Variants in LSAMP observed in about 807,000 individuals in gnomAD.
LSAMP encodes the protein limbic system-associated membrane protein.
LSAMP carries 7 observed loss-of-function variants against 38.6 expected under a neutral mutation model. The ratio of observed to expected loss-of-function variants is 0.18; its 90% CI spans 0.10 to 0.34. The LOEUF is 0.34. Ranked by LOEUF, LSAMP falls within the 10% of genes least tolerant of loss-of-function variation. LSAMP has a pLI of 1.00. For synonymous variants in LSAMP, 154 were observed against 166.8 expected (o/e 0.92, Z 0.59); for missense variants, 313 against 420.0 (o/e 0.75, Z 2.23).
At chr3:116,383,695 A>G (rs2048590975) in intron 1 of LSAMP, among the ~76,000 whole-genome samples, 1 of 152,132 alleles carries the variant, frequency 6.6e-6, no homozygotes, top group Non-Finnish European at 1.5e-5. Context: ...GTTTATAGAA[A>G]ATGACACACA....
At chr3:116,356,433 T>C (rs1248933600) in intron 1 of LSAMP, among the ~76,000 whole-genome samples, 1 of 152,098 alleles carries the variant, frequency 6.6e-6, no homozygotes, top group Non-Finnish European at 1.5e-5. Context: ...TTTGGAAGAA[T>C]GGAGGTGGTG....
intron 1 of LSAMP, 123 bp from the exon 2 acceptor site, chr3:116,086,679 C>T (rs115710117): frequency 1.4e-5 from 10 of 737,758 alleles, no homozygotes; most frequent in African/African-American, 3.5e-5. Context: ...GAATTATTGC[C>T]ATGCCATTCT....
intron 1 of LSAMP, among the ~76,000 whole-genome samples, chr3:116,134,401 C>T (rs926443720): frequency 1.3e-5 from 2 of 152,206 alleles, no homozygotes; most frequent in Non-Finnish European, 2.9e-5. Context: ...TGATCCCTAT[C>T]CTCACCAGCT....
At chr3:115,869,269 G>GGAGAGA (rs35112915) in intron 3 of LSAMP, among the ~76,000 whole-genome samples, 2,197 of 128,486 alleles carry the variant, frequency 0.017, 54 homozygotes, top group African/African-American at 0.046. Context: ...TCTTGGAGGG[G>GGAGAGA]GAGAGAGAGA....
rs182195289 is a variant in LSAMP at position 115,886,799 on chromosome 3, T to G, written c.515-34182A>C. ...TGTTTCTGAGAATGGGATATCATCT[T>G]AGGTTAACAATGTGTTATCTTTTTT... On this transcript the variant is annotated intron_variant, in intron 3 of 6. Coordinates refer to ENST00000490035, the MANE Select transcript of LSAMP (RefSeq NM_002338.5). 1.6e-4 allele frequency among the ~76,000 whole-genome samples: 25 copies of G among 152,108 alleles called. No individual in the cohort carries two copies. In the Middle Eastern group the frequency reaches 0.017, roughly 103 times the overall value.
chr3:116,071,579 C>A (rs1707607158), intron 2 of LSAMP, among the ~76,000 whole-genome samples: 1 of 151,724 alleles, frequency 6.6e-6, no homozygotes, highest in African/African-American at 2.4e-5. Flanking sequence ...TGTAAACTAC[C>A]ACTTCATTTT....
intron 1 of LSAMP, among the ~76,000 whole-genome samples, chr3:116,320,148 C>T (rs1339141359): frequency 6.6e-6 from 1 of 152,154 alleles, no homozygotes; most frequent in Non-Finnish European, 1.5e-5. Context: ...GACGTGGTGG[C>T]TCACGCCTGT....
At position 116,086,422 on chromosome 3, in the gene LSAMP, C is replaced by T. The variant is rs1327300651; in HGVS notation, c.290G>A (p.Arg97Gln). 18 of 1,613,924 alleles carry T rather than the reference C, an allele frequency of 1.1e-5. No homozygotes were observed. The highest frequency in any genetic ancestry group is 2.7e-5 in the African/African-American group (2 of 74,884). The change falls in exon 2 of 7, where the codon CGA becomes CAA. Residue 97 changes from arginine (R) to glutamine (Q), a missense_variant. By Grantham distance (43) the Arg-to-Gln change is conservative. Coordinates refer to ENST00000490035, the MANE Select transcript of LSAMP (RefSeq NM_002338.5). ...ATCATAGACATCCACCTTCTGGATT[C>T]GGAGGCTGTATTCCAGAGAATGGCG... ...EKRHSLEYSL[R>Q]IQKVDVYDEG...
rs367977891 is a variant in LSAMP at position 116,350,056 on chromosome 3, C to T, written c.155+94821G>A. 1.1e-4 allele frequency among the ~76,000 whole-genome samples: 16 copies of T among 152,040 alleles called. 1 individual carries two copies. In the East Asian group the frequency reaches 1.7e-3, roughly 17 times the overall value. On this transcript the variant is annotated intron_variant, in intron 1 of 6. Transcript: ENST00000490035. ...AGAGGTTTTAAGTGTCTTCTTTATA[C>T]ATTTTTATTTGTACATATGTTACTT...
chr3:116,023,097 G>A (rs932705158), intron 2 of LSAMP, among the ~76,000 whole-genome samples: 5 of 151,852 alleles, frequency 3.3e-5, no homozygotes, highest in African/African-American at 1.2e-4. Flanking sequence ...TGTCATGTAT[G>A]GAGGATCAAT....
At position 116,411,798 on chromosome 3, in the gene LSAMP, A is replaced by T. The variant is rs571661810; in HGVS notation, c.155+33079T>A. ...TAATAATAATAAAAGAAGAAAAAAAAAAAGAGGTGGGACCTTTAAGAGGTG... is the reference window on the plus strand; with the variant it reads ...TAATAATAATAAAAGAAGAAAAAAATAAAGAGGTGGGACCTTTAAGAGGTG... On this transcript the variant is annotated intron_variant, in intron 1 of 6. Coordinates refer to ENST00000490035, the MANE Select transcript of LSAMP (RefSeq NM_002338.5). Among the ~76,000 whole-genome samples the T allele has an allele frequency of 1.4e-4, 22 of 152,010 alleles. 2 individuals carry two copies. In the South Asian group the frequency reaches 4.6e-3, roughly 32 times the overall value.
At chr3:116,282,093 T>C (rs2047134100) in intron 1 of LSAMP, among the ~76,000 whole-genome samples, 1 of 152,184 alleles carries the variant, frequency 6.6e-6, no homozygotes, top group East Asian at 1.9e-4. Context: ...AAAGTGAGGG[T>C]AATTTTGGTA....
intron 1 of LSAMP, among the ~76,000 whole-genome samples, chr3:116,194,137 G>A (rs1459145536): frequency 1.3e-5 from 2 of 152,142 alleles, no homozygotes; most frequent in African/African-American, 2.4e-5. Context: ...GGTGAGAGAG[G>A]TAAGGGGTGA....
chr3:116,356,977 T>C (rs2048233687), intron 1 of LSAMP, among the ~76,000 whole-genome samples: 2 of 152,160 alleles, frequency 1.3e-5, no homozygotes, highest in Non-Finnish European at 2.9e-5. Flanking sequence ...GTATTTTTAG[T>C]AGAGACGGGG....
intron 1 of LSAMP, among the ~76,000 whole-genome samples, chr3:116,348,369 G>C (rs1434636121): frequency 6.6e-6 from 1 of 152,010 alleles, no homozygotes; most frequent in Non-Finnish European, 1.5e-5. Flanking sequence ...CAAAACAACA[G>C]CCCAAGTGTA....
intron 1 of LSAMP, among the ~76,000 whole-genome samples, chr3:116,228,997 C>A (rs567209231): frequency 1.3e-5 from 2 of 152,162 alleles, no homozygotes; most frequent in East Asian, 3.9e-4. Context: ...AAACACTTGA[C>A]AAGTTCAAAT....
intron 1 of LSAMP, among the ~76,000 whole-genome samples, chr3:116,351,408 C>T (rs1459152880): frequency 6.6e-6 from 1 of 152,040 alleles, no homozygotes; most frequent in Non-Finnish European, 1.5e-5. Flanking sequence ...GGAGAAGTAG[C>T]TTTGGAACCT....
intron 1 of LSAMP, among the ~76,000 whole-genome samples, chr3:116,223,366 C>A (rs1362619888): frequency 1.3e-5 from 2 of 152,032 alleles, no homozygotes; most frequent in Non-Finnish European, 2.9e-5. Context: ...ACTGTTTTAA[C>A]CAGTCAAAAA....
At chr3:116,363,732 A>G (rs1204710981) in intron 1 of LSAMP, among the ~76,000 whole-genome samples, 22 of 143,750 alleles carry the variant, frequency 1.5e-4, no homozygotes, top group African/African-American at 4.2e-4. Context: ...AATGTAATCC[A>G]GCATATAAAC....
Sources: gnomAD v4.1 joint callset for allele counts (sites outside exome capture counted in the v4.1 genomes callset) on GRCh38, gnomAD v4.1.1 for gene constraint, MANE v1.5 for transcripts, NCBI Gene and HGNC (gene_info 2026-07-23, HGNC 2026-07-21) for gene names.